NBDY: variants seen among roughly 807,000 people sequenced by gnomAD.
NBDY encodes the protein negative regulator of P-body association.
chrX:56,761,756 C>CA (rs2069638315), intron 2 of NBDY, among the ~76,000 whole-genome samples: 1 of 112,899 alleles, frequency 8.9e-6, no homozygotes, highest in South Asian at 3.6e-4. Flanking sequence ...TTCTTTTCCT[C>CA]AGGAAATTAG....
chrX:56,750,390 A>T (rs1014049521), intron 2 of NBDY, among the ~76,000 whole-genome samples: 10 of 111,237 alleles, frequency 9.0e-5, no homozygotes, highest in Admixed American at 5.8e-4. Flanking sequence ...CTAGATCCTT[A>T]AATTGAGTGG....
In NBDY at chrX:56,800,209, C is replaced by T. The variant is rs142190928; in HGVS notation, c.*167-17111C>T. On this transcript the variant is annotated intron_variant, in intron 2 of 2. Coordinates refer to ENST00000374922, the MANE Select transcript of NBDY (RefSeq NM_001348129.2). ...CATTTGTAATATTTAACTCCCATCT[C>T]ATCTAACTTTTTTCCTGTCTTCATC... Among the ~76,000 whole-genome samples the T allele has an allele frequency of 4.2e-3, 473 of 111,603 alleles. 3 individuals are homozygous for T. Among genetic ancestry groups the T allele is most frequent in the African/African-American group, 0.015 (459 of 30,693 alleles).
chrX:56,814,744 C>T (rs1293163563), intron 2 of NBDY, among the ~76,000 whole-genome samples: 1 of 111,009 alleles, frequency 9.0e-6, no homozygotes, highest in African/African-American at 3.3e-5. Flanking sequence ...CTGCTCACCT[C>T]GGCCTCCCAA....
intron 2 of NBDY, among the ~76,000 whole-genome samples, chrX:56,798,966 C>T (rs1455990714): frequency 1.8e-5 from 2 of 111,910 alleles, no homozygotes; most frequent in Non-Finnish European, 3.8e-5. Flanking sequence ...CTGTACTTGG[C>T]GTTTGTGGAG....
chrX:56,763,497 C>G (rs958659006), intron 2 of NBDY, among the ~76,000 whole-genome samples: 2 of 112,663 alleles, frequency 1.8e-5, no homozygotes, highest in Admixed American at 9.3e-5. Context: ...CTACCTGGAG[C>G]TCCAGGCTTT....
At chrX:56,792,373 C>G (rs2069769306) in intron 2 of NBDY, among the ~76,000 whole-genome samples, 2 of 111,166 alleles carry the variant, frequency 1.8e-5, no homozygotes, top group African/African-American at 6.6e-5. Flanking sequence ...CCAGTCAAGC[C>G]ATGTGAACAC....
intron 2 of NBDY, among the ~76,000 whole-genome samples, chrX:56,740,226 C>T (rs1395518916): frequency 9.0e-6 from 1 of 111,608 alleles, no homozygotes; most frequent in Non-Finnish European, 1.9e-5. Context: ...AATCATTTCT[C>T]TATAGACCTC....
chrX:56,735,247 G>A (rs746432070), intron 2 of NBDY, among the ~76,000 whole-genome samples: 4 of 112,268 alleles, frequency 3.6e-5, no homozygotes, highest in African/African-American at 9.7e-5. Flanking sequence ...CAAGCAGGAC[G>A]ATAACCATAA....
At position 56,818,759 on chromosome X, in the gene NBDY, G is replaced by A. The variant is rs766866404; in HGVS notation, c.*1606G>A. On this transcript the variant is annotated 3_prime_UTR_variant, in exon 3 of 3. Coordinates refer to ENST00000374922, the MANE Select transcript of NBDY (RefSeq NM_001348129.2). Reference sequence around the variant, plus strand: ...AATCTTGAAGTATACAAAGTTTGAAGAGTCACATTTCCAAATTTTAAAACT... The same window carrying A: ...AATCTTGAAGTATACAAAGTTTGAAAAGTCACATTTCCAAATTTTAAAACT... 6 of 111,519 alleles carry A rather than the reference G, an allele frequency of 5.4e-5. No individual in the cohort carries two copies. In the South Asian group the frequency reaches 1.9e-3, roughly 34 times the overall value. 9.2% of individuals were successfully genotyped at this position (111,519 alleles called of 1,213,427 possible).
chrX:56,744,204 T>C (rs1457380893), intron 2 of NBDY, among the ~76,000 whole-genome samples: 1 of 111,869 alleles, frequency 8.9e-6, no homozygotes, highest in African/African-American at 3.2e-5. Context: ...TTTTTGAATG[T>C]TTTAAGACTT....
At chrX:56,749,654 CTTTTTT>C (rs80181550) in intron 2 of NBDY, among the ~76,000 whole-genome samples, 1 of 81,935 alleles carries the variant, frequency 1.2e-5, no homozygotes. Context: ...CATTTGCATC[CTTTTTT>C]TTTTTTTTTG....
At chrX:56,804,747 G>A (rs186147475) in intron 2 of NBDY, among the ~76,000 whole-genome samples, 44 of 111,860 alleles carry the variant, frequency 3.9e-4, no homozygotes, top group Admixed American at 3.9e-3. Flanking sequence ...AGACAGTGGA[G>A]GACAAATTGT....
At chrX:56,803,704 C>T (rs1415712496) in intron 2 of NBDY, among the ~76,000 whole-genome samples, 1 of 112,227 alleles carries the variant, frequency 8.9e-6, no homozygotes, top group Non-Finnish European at 1.9e-5. Flanking sequence ...ATCCCTGCAG[C>T]CGGTCGTGTT....
At chrX:56,797,120 TTTC>T (rs1222696632) in intron 2 of NBDY, among the ~76,000 whole-genome samples, 126 of 108,686 alleles carry the variant, frequency 1.2e-3, no homozygotes, top group African/African-American at 3.1e-3. Context: ...CCTCTTCTTC[TTTC>T]TTCTTCTTCT....
intron 2 of NBDY, among the ~76,000 whole-genome samples, chrX:56,801,952 A>T (rs1348323407): frequency 1.0e-5 from 1 of 99,901 alleles, no homozygotes; most frequent in Admixed American, 1.1e-4. Flanking sequence ...ACATACACTA[A>T]CACATGCACA....
At chrX:56,794,687 G>A (rs2069783583) in intron 2 of NBDY, among the ~76,000 whole-genome samples, 1 of 111,562 alleles carries the variant, frequency 9.0e-6, no homozygotes, top group Admixed American at 9.4e-5. Flanking sequence ...GGGTGAGTGG[G>A]CCTGCGTGTG....
intron 2 of NBDY, among the ~76,000 whole-genome samples, chrX:56,793,691 A>G (rs1482746608): frequency 9.0e-6 from 1 of 110,757 alleles, no homozygotes; most frequent in Non-Finnish European, 1.9e-5. Flanking sequence ...TGGCCCCCAG[A>G]CTGAAGCTGG....
At chrX:56,786,549 C>T (rs2069728927) in intron 2 of NBDY, among the ~76,000 whole-genome samples, 1 of 110,496 alleles carries the variant, frequency 9.1e-6, no homozygotes, top group Non-Finnish European at 1.9e-5. Flanking sequence ...TCTCTTCCAA[C>T]ATCCTCTTCT....
chrX:56,791,627 C>T (rs991909405), intron 2 of NBDY, among the ~76,000 whole-genome samples: 9 of 111,588 alleles, frequency 8.1e-5, no homozygotes, highest in South Asian at 3.8e-4. Flanking sequence ...GTCCTTTAAG[C>T]GGAACATGAC....
Sources: allele counts gnomAD v4.1 joint callset (sites outside exome capture counted in the v4.1 genomes callset), GRCh38; gene constraint gnomAD v4.1.1; transcripts MANE v1.5; gene names NCBI Gene and HGNC (gene_info 2026-07-23, HGNC 2026-07-21).